The following RBM47 variants were observed in gnomAD, a reference collection of about 807,000 sequenced individuals.
RBM47 encodes RNA-binding protein 47.
Under a neutral mutation model 47.1 loss-of-function variants are expected in RBM47, and 21 were observed. That is an observed-to-expected ratio of 0.45 (90% CI 0.32 to 0.64). The LOEUF (loss-of-function observed/expected upper bound fraction) is 0.64. RBM47 is among the 30% of genes least tolerant of loss of function. The pLI, the probability that RBM47 is intolerant of heterozygous loss-of-function variation, is 0.05. For missense variants in RBM47, 708 were observed against 870.9 expected (o/e 0.81, Z 2.35); for synonymous variants, 375 against 361.7 (o/e 1.04, Z -0.42).
intron 1 of RBM47, among the ~76,000 whole-genome samples, chr4:40,613,040 G>A (rs191083255): frequency 4.0e-4 from 61 of 152,242 alleles, no homozygotes; most frequent in African/African-American, 1.4e-3. Flanking sequence ...CCTGGTACAC[G>A]GAGCTCATTT....
intron 1 of RBM47, among the ~76,000 whole-genome samples, chr4:40,625,320 T>C (rs926811876): frequency 1.3e-5 from 2 of 152,226 alleles, no homozygotes; most frequent in African/African-American, 4.8e-5. Flanking sequence ...CATTTTGTAC[T>C]TCTGTACTTT....
chr4:40,455,256 G>A (rs533641514), intron 3 of RBM47, among the ~76,000 whole-genome samples: 12 of 152,292 alleles, frequency 7.9e-5, no homozygotes, highest in East Asian at 3.9e-4. Flanking sequence ...TAGAATTCAC[G>A]TAATCGCAAT....
intron 2 of RBM47, among the ~76,000 whole-genome samples, chr4:40,490,320 T>A (rs141845722): frequency 3.3e-5 from 5 of 151,594 alleles, no homozygotes; most frequent in East Asian, 1.9e-4. Context: ...AGAAAGGGGA[T>A]CCATATGGGA....
At chr4:40,614,011 T>C (rs1736465663) in intron 1 of RBM47, among the ~76,000 whole-genome samples, 2 of 151,574 alleles carry the variant, frequency 1.3e-5, no homozygotes, top group South Asian at 4.2e-4. Context: ...GCCTCCCACA[T>C]TGTGACAACC....
chr4:40,550,410 G>T (rs150887150), intron 1 of RBM47, among the ~76,000 whole-genome samples: 158 of 152,138 alleles, frequency 1.0e-3, no homozygotes, highest in Non-Finnish European at 1.6e-3. Context: ...GAAAATGTGG[G>T]AAGTTTATCA....
In RBM47 at chr4:40,438,146, C is replaced by T. The variant is rs1358061944; in HGVS notation, c.748G>A (p.Val250Met). The T allele has an allele frequency of 1.2e-6, 2 of 1,612,590 alleles. No individual in the cohort carries two copies. The highest frequency in any genetic ancestry group is 2.2e-5 in the East Asian group (1 of 44,858). The change falls in exon 4 of 7, where the codon GTG (valine) becomes ATG (methionine). Residue 250 changes from valine to methionine, a missense_variant. Val to Met is a conservative substitution (Grantham distance 21). Transcript: ENST00000295971. ...GTGGTCTCGATCATGAGGTTGCGCA[C>T]GTAGAGGATCTTCACGGTCTCCATC... is the stretch of plus-strand genomic sequence containing the variant. ...DVMETVKILYVRNLMIETTED... is the reference protein window; with the variant it reads ...DVMETVKILYMRNLMIETTED...
chr4:40,437,090 A>AAATATATAT lies in RBM47; in HGVS notation c.1124-444_1124-443insATATATATT, dbSNP rs1256296949. On this transcript the variant is annotated intron_variant, in intron 4 of 6. Coordinates refer to ENST00000295971, the MANE Select transcript of RBM47 (RefSeq NM_001098634.2). ...CCCTGTCTCAAAAAAAAAAAAAAAA[A>AAATATATAT]ATATATATATATATATATATAAAAT... Among the ~76,000 whole-genome samples, 43 of 49,804 alleles carry AAATATATAT rather than the reference A, an allele frequency of 8.6e-4. 5 individuals are homozygous for AAATATATAT. Among genetic ancestry groups the AAATATATAT allele is most frequent in the African/African-American group, 4.4e-3 (40 of 9,168 alleles). 32.7% of individuals were successfully genotyped at this position (49,804 alleles called of 152,430 possible).
chr4:40,580,626 C>T (rs1490404915), intron 1 of RBM47, among the ~76,000 whole-genome samples: 1 of 152,214 alleles, frequency 6.6e-6, no homozygotes, highest in Non-Finnish European at 1.5e-5. Flanking sequence ...CAGCCGCAGC[C>T]ACCCGTTCTC....
chr4:40,539,698 C>T (rs1053619135), intron 2 of RBM47, among the ~76,000 whole-genome samples: 16 of 122,880 alleles, frequency 1.3e-4, no homozygotes, highest in Non-Finnish European at 2.2e-4. Context: ...CGAGATTGTG[C>T]CACTGCACTC....
At chr4:40,440,253 A>G (rs13107715) in intron 3 of RBM47, among the ~76,000 whole-genome samples, 12,741 of 152,276 alleles carry the variant, frequency 0.084, 712 homozygotes, top group South Asian at 0.17. Flanking sequence ...ATGATAGCAC[A>G]ATGAAACTTT....
intron 2 of RBM47, among the ~76,000 whole-genome samples, chr4:40,474,915 C>G (rs79058257): frequency 6.6e-6 from 1 of 152,120 alleles, no homozygotes; most frequent in Non-Finnish European, 1.5e-5. Context: ...GAGTATTTTT[C>G]TTTAAAAGAT....
chr4:40,436,751 C>T (rs1577619216), intron 4 of RBM47, 104 bp from the exon 5 acceptor site: 2 of 1,061,980 alleles, frequency 1.9e-6, no homozygotes, highest in East Asian at 4.7e-5. Flanking sequence ...GTCTTAATTG[C>T]AGGTGGCTAC....
intron 1 of RBM47, among the ~76,000 whole-genome samples, chr4:40,624,331 T>C (rs1434005607): frequency 1.3e-5 from 2 of 152,198 alleles, no homozygotes; most frequent in African/African-American, 2.4e-5. Context: ...AGTGTGAATT[T>C]AGTATGAATA....
At chr4:40,627,169 C>A (rs754066463) in intron 1 of RBM47, among the ~76,000 whole-genome samples, 60 of 152,252 alleles carry the variant, frequency 3.9e-4, no homozygotes, top group Admixed American at 1.0e-3. Context: ...TGAAACACTG[C>A]AATATAACCT....
At chr4:40,502,227 T>A (rs544067715) in intron 2 of RBM47, 3 of 154,460 alleles carry the variant, frequency 1.9e-5, no homozygotes, top group Middle Eastern at 5.2e-4. Flanking sequence ...GAAGGGTGGG[T>A]ACGTCACATT....
chr4:40,546,953 T>A (rs1163726459), intron 1 of RBM47, among the ~76,000 whole-genome samples: 2 of 152,234 alleles, frequency 1.3e-5, no homozygotes, highest in Non-Finnish European at 2.9e-5. Flanking sequence ...AAGTTCTACC[T>A]GGCATTCTGA....
intron 1 of RBM47, among the ~76,000 whole-genome samples, chr4:40,551,665 T>TC (rs1431871105): frequency 6.6e-6 from 1 of 151,388 alleles, no homozygotes; most frequent in African/African-American, 2.4e-5. Flanking sequence ...TTTTTTTTTT[T>TC]TGAGACAGAG....
intron 2 of RBM47, among the ~76,000 whole-genome samples, chr4:40,474,796 A>G (rs1236325571): frequency 6.6e-6 from 1 of 152,222 alleles, no homozygotes; most frequent in Admixed American, 6.5e-5. Context: ...TTTGACACTA[A>G]ATATCAGATG....
At chr4:40,467,542 C>T (rs1013275030) in intron 2 of RBM47, among the ~76,000 whole-genome samples, 1 of 152,102 alleles carries the variant, frequency 6.6e-6, no homozygotes, top group African/African-American at 2.4e-5. Context: ...CCACCCGACT[C>T]AGCCTCCCAA....
Sources: allele counts gnomAD v4.1 joint callset (sites outside exome capture counted in the v4.1 genomes callset), GRCh38; gene constraint gnomAD v4.1.1; transcripts MANE v1.5; gene names NCBI Gene and HGNC (gene_info 2026-07-23, HGNC 2026-07-21).